Variants in CFAP74 observed in about 807,000 individuals in gnomAD.
CFAP74 encodes cilia and flagella associated protein 74, also known as cilia- and flagella-associated protein 74.
In CFAP74, 124 loss-of-function variants were observed where a neutral mutation model predicts 188.9. That is an observed-to-expected ratio of 0.66 (90% confidence interval 0.57 to 0.76). The LOEUF (loss-of-function observed/expected upper bound fraction) is 0.76. Ranked by LOEUF, CFAP74 falls within the 30% of genes least tolerant of loss-of-function variation. The probability of loss-of-function intolerance (pLI) is 0.00; values close to 1 mark genes in which losing one functional copy is unlikely to be tolerated. For synonymous variants in CFAP74, 956 were observed against 916.7 expected, an observed-to-expected ratio of 1.04 and a Z score of -0.77; for missense variants, 2,198 against 2,165.2, an observed-to-expected ratio of 1.02 and a Z score of -0.30.
rs954429467 is a variant in CFAP74 at position 1,930,224 on chromosome 1, A to G, written c.3124T>C (p.Tyr1042His). The G allele has an allele frequency of 5.9e-6, 9 of 1,535,632 alleles. No individual in the cohort carries two copies. The highest frequency in any genetic ancestry group is 4.4e-6 in the Non-Finnish European group (5 of 1,146,738). Residue 1042 changes from tyrosine (Y) to histidine (H), a missense_variant, in exon 26 of 39, where the codon TAC (tyrosine) becomes CAC (histidine). By Grantham distance (83) the Tyr-to-His change is moderately conservative (BLOSUM62 2). Coordinates refer to ENST00000682832, the MANE Select transcript of CFAP74 (RefSeq NM_001304360.2). ...ATGCTCAGGTGAGAGTTGATGACGT[A>G]CACTGTAGCCACGGAGGTGTCGTAT... ...ALYDTSVATV[Y>H]VINSHLSMSS...
intron 6 of CFAP74, among the ~76,000 whole-genome samples, chr1:1,980,819 G>A (rs904086087): frequency 1.3e-5 from 2 of 151,410 alleles, no homozygotes; most frequent in Non-Finnish European, 2.9e-5. Context: ...CCAACCCCCT[G>A]CCCAGACCAC....
chr1:1,968,939 C>A lies in CFAP74; in HGVS notation c.1047-106G>T, dbSNP rs1655682576. Reference sequence around the variant, plus strand: ...CCTCCCTAGCGCCCTCCTGGGGGCTCCGGTCCTGCCCAGCAGCCCCAGGTG... The same window carrying A: ...CCTCCCTAGCGCCCTCCTGGGGGCTACGGTCCTGCCCAGCAGCCCCAGGTG... On this transcript the variant is annotated intron_variant, in intron 10 of 38. Transcript: ENST00000682832. This position sits in a 1 kb window ranked among gnomAD's most constrained non-coding sequence, Gnocchi z 4.3. 6 of 587,686 alleles carry A rather than the reference C, an allele frequency of 1.0e-5. No homozygotes were observed. Among genetic ancestry groups the A allele is most frequent in the Non-Finnish European group, 1.6e-5 (6 of 382,546 alleles). The allele number at this position is 587,686 out of a possible 1,614,324, so 36.4% of individuals were successfully genotyped here.
intron 26 of CFAP74, 130 bp downstream of exon 26, chr1:1,929,930 G>T: frequency 9.1e-7 from 1 of 1,100,586 alleles, no homozygotes; most frequent in Non-Finnish European, 1.3e-6. Context: ...TGAGGGTCAG[G>T]TTCACTCCCG....
rs1656379439 is a variant in CFAP74 at position 1,975,484 on chromosome 1, G to A, written c.501-1286C>T. 6.6e-6 allele frequency among the ~76,000 whole-genome samples: 1 copy of A among 152,108 alleles called. No individual in the cohort carries two copies. The highest frequency in any genetic ancestry group is 2.4e-5 in the African/African-American group (1 of 41,416). On this transcript the variant is annotated intron_variant, in intron 6 of 38. Transcript: ENST00000682832. This position sits in a 1 kb window ranked among gnomAD's most constrained non-coding sequence, Gnocchi z 4.5. ...GTTTTCTGATTTGCCTCCTGAGATC[G>A]GGTTCTACTTTCCCTCTCTCGTACG... is the stretch of plus-strand genomic sequence containing the variant.
At chr1:1,960,085 C>A in intron 14 of CFAP74, 55 bp from the exon 15 acceptor site, 1 of 1,462,188 alleles carries the variant, frequency 6.8e-7, no homozygotes, top group South Asian at 1.2e-5. Flanking sequence ...GGCAGACGCT[C>A]GCCTCACCAC....
intron 25 of CFAP74, among the ~76,000 whole-genome samples, chr1:1,932,066 C>CAAAAAAAAAAAAA (rs1214190743): frequency 2.0e-5 from 1 of 49,426 alleles, no homozygotes; most frequent in African/African-American, 9.1e-5. Context: ...ACTCTCGCCT[C>CAAAAAAAAAAAAA]AAAAAAAAAA....
Position 1,923,057 on chromosome 1 carries a change from G to A in CFAP74, c.4611C>T (p.Asp1537=). The A allele has an allele frequency of 6.2e-7, 1 of 1,609,276 alleles. No individual in the cohort carries two copies. Among genetic ancestry groups the A allele is most frequent in the South Asian group, 1.1e-5 (1 of 90,658 alleles). ...VTLDYIQFDT[D]TPAPPATREL... is the part of the protein sequence containing the mutation. ...CTCGGGTGGCAGGTGGGGCTGGCGTGTCTGTGTCAAACTGGATGTAGTCCA... is the reference window on the plus strand; with the variant it reads ...CTCGGGTGGCAGGTGGGGCTGGCGTATCTGTGTCAAACTGGATGTAGTCCA... The change falls in exon 37 of 39, where the codon GAC becomes GAT. Residue 1537 remains aspartate, a synonymous_variant. Coordinates refer to ENST00000682832, the MANE Select transcript of CFAP74 (RefSeq NM_001304360.2). The surrounding 1 kb of genome is among the most constrained non-coding windows in gnomAD (Gnocchi z 6.3).
In CFAP74 at chr1:1,942,958, C is replaced by T. The variant is rs1653487746; in HGVS notation, c.2487-802G>A. ...CCGTCCATCACAGACCTGCCTCTGA[C>T]CTCTGACCACTACCCAGAGGCCACC... On this transcript the variant is annotated intron_variant, in intron 21 of 38. Coordinates refer to ENST00000682832, the MANE Select transcript of CFAP74 (RefSeq NM_001304360.2). This position sits in a 1 kb window ranked among gnomAD's most constrained non-coding sequence, Gnocchi z 4.3. Among the ~76,000 whole-genome samples the T allele has an allele frequency of 6.6e-6, 1 of 152,224 alleles. No individual in the cohort carries two copies.
In CFAP74 at chr1:1,968,821, C is replaced by T; in HGVS notation, c.1059G>A (p.Glu353=). The change falls in exon 11 of 39, where the codon GAG becomes GAA. Residue 353 remains glutamate (E), a synonymous_variant. Coordinates refer to ENST00000682832, the MANE Select transcript of CFAP74 (RefSeq NM_001304360.2). This position sits in a 1 kb window ranked among gnomAD's most constrained non-coding sequence, Gnocchi z 4.3. The part of the protein sequence containing the change: ...ELEAQKRAFE[E]EQKLRKQEII... ...TCTCCTGCTTTCTGAGCTTCTGCTCCTCCTCAAAGGCCCTGCGTGGAGTCG... is the reference window on the plus strand; with the variant it reads ...TCTCCTGCTTTCTGAGCTTCTGCTCTTCCTCAAAGGCCCTGCGTGGAGTCG... The T allele has an allele frequency of 1.2e-6, 2 of 1,614,046 alleles. No homozygotes were observed. Among genetic ancestry groups the T allele is most frequent in the South Asian group, 2.2e-5 (2 of 91,086 alleles).
At chr1:1,982,430 CG>C (rs1000502282) in intron 6 of CFAP74, among the ~76,000 whole-genome samples, 1 of 152,230 alleles carries the variant, frequency 6.6e-6, no homozygotes, top group African/African-American at 2.4e-5. Context: ...GGGACAGACA[CG>C]GGGACACGCA....
At chr1:1,937,810 C>T (rs575685889) in intron 25 of CFAP74, among the ~76,000 whole-genome samples, 1 of 145,074 alleles carries the variant, frequency 6.9e-6, no homozygotes, top group Admixed American at 6.9e-5. Flanking sequence ...TGGCTGGTCG[C>T]ACAAGACCTC....
chr1:1,984,691 C>T (rs1657123567), intron 6 of CFAP74: 1 of 152,670 alleles, frequency 6.6e-6, no homozygotes, highest in Non-Finnish European at 1.5e-5. Context: ...AGGTCAGAGA[C>T]TGGGTCAAAG....
intron 13 of CFAP74, among the ~76,000 whole-genome samples, chr1:1,964,513 G>C (rs1655318088): frequency 6.6e-6 from 1 of 152,266 alleles, no homozygotes; most frequent in Non-Finnish European, 1.5e-5. Flanking sequence ...AGGCAGGCCA[G>C]GCGCAGTGGC....
intron 18 of CFAP74, chr1:1,954,853 C>T (rs914786674): frequency 6.1e-6 from 7 of 1,151,800 alleles, no homozygotes; most frequent in Non-Finnish European, 6.5e-6. Flanking sequence ...AGGCATGAGC[C>T]CCAGCCAGGT....
chr1:1,947,809 C>T (rs749254664), intron 18 of CFAP74, among the ~76,000 whole-genome samples: 27 of 152,128 alleles, frequency 1.8e-4, no homozygotes, highest in Admixed American at 3.9e-4. Flanking sequence ...AGCCAGGTGG[C>T]GACTTTGAAG....
In CFAP74 at chr1:1,928,771, G is replaced by T. The variant is rs368757041; in HGVS notation, c.3387+13C>A. On this transcript the variant is annotated intron_variant, in intron 27 of 38. Transcript: ENST00000682832. ...TCCCCGACCTACGCCCCTCCTTCCC[G>T]GGCCCCACGCACAGATTTGGTCTCC... The T allele has an allele frequency of 6.5e-7, 1 of 1,531,516 alleles. No individual in the cohort carries two copies. The highest frequency in any genetic ancestry group is 2.4e-5 in the East Asian group (1 of 40,862). 94.9% of individuals were successfully genotyped at this position (1,531,516 alleles called of 1,614,324 possible). A position where few individuals can be genotyped will look rare whatever the true frequency, so the allele number is the denominator to read the frequency against.
chr1:2,000,836 A>C (rs1658170620), intron 1 of CFAP74, among the ~76,000 whole-genome samples: 1 of 152,064 alleles, frequency 6.6e-6, no homozygotes, highest in Non-Finnish European at 1.5e-5. Flanking sequence ...TCATATTCTC[A>C]GGTCCTGAGG....
Position 1,973,006 on chromosome 1 carries a change from T to C in CFAP74, c.716A>G (p.Gln239Arg), listed in dbSNP as rs772860915. Residue 239 changes from glutamine to arginine, a missense_variant, in exon 8 of 39, where the codon CAG becomes CGG. Gln to Arg is a conservative substitution (Grantham distance 43). Coordinates refer to ENST00000682832, the MANE Select transcript of CFAP74 (RefSeq NM_001304360.2). This position sits in a 1 kb window ranked among gnomAD's most constrained non-coding sequence, Gnocchi z 6.2. ...NTQKELGLRH[Q>R]KLLEDARKNH... ...CTTCCGGGCGTCCTCCAGCAGCTTC[T>C]GGTGCCTGAGCCCGAGCTCCTTCTG... 37 of 1,613,922 alleles carry C rather than the reference T, an allele frequency of 2.3e-5. No homozygotes were observed. The highest frequency in any genetic ancestry group is 6.8e-6 in the Non-Finnish European group (8 of 1,180,004).
At chr1:1,988,230 CA>C in intron 4 of CFAP74, 2 of 625,600 alleles carry the variant, frequency 3.2e-6, no homozygotes, top group South Asian at 3.1e-5. Context: ...CACACAAACA[CA>C]GAAAGAAGCT....
Sources: gnomAD v4.1 joint callset for allele counts (sites outside exome capture counted in the v4.1 genomes callset) on GRCh38, gnomAD v4.1.1 for gene constraint, Gnocchi (gnomAD v3.1) non-coding constraint, MANE v1.5 for transcripts, NCBI Gene and HGNC (gene_info 2026-07-23, HGNC 2026-07-21) for gene names.